RARB: variants seen among roughly 807,000 people sequenced by gnomAD.
RARB encodes HBV-activated protein.
RARB carries 17 observed loss-of-function variants against 51.9 expected under a neutral mutation model. The observed-to-expected ratio is 0.33, with a 90% CI of 0.22 to 0.49. RARB has a LOEUF of 0.49. Ranked by LOEUF, RARB falls within the 20% of genes least tolerant of loss-of-function variation. The pLI, the probability that RARB is intolerant of heterozygous loss-of-function variation, is 0.99. For missense variants in RARB, 369 were observed against 550.8 expected, an observed-to-expected ratio of 0.67 and a Z score of 3.30; for synonymous variants, 215 against 195.4, an observed-to-expected ratio of 1.10 and a Z score of -0.84.
chr3:25,528,832 C>T (rs1053398996), intron 3 of RARB, among the ~76,000 whole-genome samples: 5 of 115,032 alleles, frequency 4.3e-5, no homozygotes, highest in African/African-American at 1.3e-4. Context: ...ACTTTTAAAA[C>T]GCAGCCAAAC....
intron 5 of RARB, among the ~76,000 whole-genome samples, chr3:25,401,168 C>G (rs992655847): frequency 1.3e-5 from 2 of 152,084 alleles, no homozygotes; most frequent in South Asian, 2.1e-4. Flanking sequence ...CATTCAGGCT[C>G]CTCTTGGCAT....
chr3:24,991,988 T>C (rs1366572215), intron 2 of RARB, among the ~76,000 whole-genome samples: 1 of 152,056 alleles, frequency 6.6e-6, no homozygotes, highest in East Asian at 1.9e-4. Context: ...GCTTTCTATA[T>C]CATGCCACCC....
intron 5 of RARB, among the ~76,000 whole-genome samples, chr3:25,237,264 G>A (rs575658740): frequency 1.3e-5 from 2 of 152,100 alleles, no homozygotes; most frequent in South Asian, 4.1e-4. Flanking sequence ...AAAGTTGGTG[G>A]CATTTATTAG....
At chr3:25,452,245 C>T (rs1388926996) in intron 1 of RARB, among the ~76,000 whole-genome samples, 10 of 152,152 alleles carry the variant, frequency 6.6e-5, no homozygotes, top group Non-Finnish European at 1.2e-4. Context: ...GCAAAACAAC[C>T]TATGAGATAT....
intron 3 of RARB, among the ~76,000 whole-genome samples, chr3:25,505,045 C>T (rs1286642): frequency 0.23 from 34,351 of 152,036 alleles, 4,226 homozygotes; most frequent in East Asian, 0.35. Context: ...TCCCAGAGTG[C>T]TGGGATTACA....
At chr3:25,309,486 C>CTTTTTT (rs149976069) in intron 5 of RARB, among the ~76,000 whole-genome samples, 4 of 58,084 alleles carry the variant, frequency 6.9e-5, no homozygotes, top group East Asian at 5.4e-4. Flanking sequence ...CTCATAGTTG[C>CTTTTTT]TTTTTTTTTT....
intron 5 of RARB, among the ~76,000 whole-genome samples, chr3:25,242,049 T>G (rs548292339): frequency 4.6e-5 from 7 of 152,364 alleles, no homozygotes; most frequent in Non-Finnish European, 7.3e-5. Context: ...GATTTGCATT[T>G]CTCTAATGAC....
chr3:25,197,997 A>G (rs943659237), intron 5 of RARB, among the ~76,000 whole-genome samples: 2 of 152,010 alleles, frequency 1.3e-5, no homozygotes, highest in African/African-American at 4.8e-5. Flanking sequence ...CATAAAGAAC[A>G]AAACTGGAAG....
chr3:24,859,689 T>C (rs969501917), intron 2 of RARB, among the ~76,000 whole-genome samples: 1 of 152,228 alleles, frequency 6.6e-6, no homozygotes, highest in East Asian at 1.9e-4. Context: ...TTATATACTT[T>C]GGGGACTTGG....
intron 5 of RARB, among the ~76,000 whole-genome samples, chr3:25,251,192 G>A (rs1187571941): frequency 2.0e-5 from 3 of 151,898 alleles, no homozygotes; most frequent in Non-Finnish European, 2.9e-5. Flanking sequence ...CCATATTGTA[G>A]CATGCATTAC....
intron 2 of RARB, among the ~76,000 whole-genome samples, chr3:24,954,505 C>T (rs948969227): frequency 1.3e-5 from 2 of 152,160 alleles, no homozygotes; most frequent in Admixed American, 1.3e-4. Context: ...ATCCCCTTAT[C>T]TTACAGATTT....
chr3:25,176,293 T>TTTTCTTTCTTTCTTTCTTTCTTTC lies in RARB; in HGVS notation c.178+1739_178+1762dup, dbSNP rs758062670. On this transcript the variant is annotated intron_variant, in intron 5 of 11. Transcript: ENST00000383772. ...TGATTTATTTTTATTTATATTTATCTTTTCTTTCTTTCTTTCTTTCTTTCT... is the reference window on the plus strand; with the variant it reads ...TGATTTATTTTTATTTATATTTATCTTTTCTTTCTTTCTTTCTTTCTTTCTTTCTTTCTTTCTTTCTTTCTTTCT... Among the ~76,000 whole-genome samples the TTTTCTTTCTTTCTTTCTTTCTTTC allele has an allele frequency of 1.7e-4, 11 of 64,208 alleles. 2 individuals carry two copies. Among genetic ancestry groups the TTTTCTTTCTTTCTTTCTTTCTTTC allele is most frequent in the African/African-American group, 2.9e-4 (5 of 17,408 alleles). 42.1% of individuals were successfully genotyped at this position (64,208 alleles called of 152,430 possible). A position where few individuals can be genotyped will look rare whatever the true frequency, so the allele number is the denominator to read the frequency against.
At chr3:24,931,577 T>G (rs1695440861) in intron 2 of RARB, among the ~76,000 whole-genome samples, 1 of 152,074 alleles carries the variant, frequency 6.6e-6, no homozygotes, top group Admixed American at 6.6e-5. Context: ...TTATCTAATT[T>G]GTATATATAA....
chr3:25,363,325 A>G (rs1398638319), intron 5 of RARB, among the ~76,000 whole-genome samples: 2 of 152,116 alleles, frequency 1.3e-5, no homozygotes, highest in African/African-American at 4.8e-5. Context: ...ACCTCCAGGT[A>G]AACATTATCT....
chr3:25,220,972 G>A (rs1196014417), intron 5 of RARB, among the ~76,000 whole-genome samples: 2 of 151,748 alleles, frequency 1.3e-5, no homozygotes, highest in Non-Finnish European at 2.9e-5. Flanking sequence ...GATTATGTAT[G>A]ACATTTTTCT....
chr3:25,541,126 G>A (rs1053409700), intron 3 of RARB, among the ~76,000 whole-genome samples: 5 of 152,146 alleles, frequency 3.3e-5, no homozygotes, highest in African/African-American at 1.2e-4. Flanking sequence ...GCTTTCCCAG[G>A]ACAACCACAA....
intron 2 of RARB, among the ~76,000 whole-genome samples, chr3:25,025,646 T>C (rs1697731263): frequency 6.6e-6 from 1 of 151,996 alleles, no homozygotes; most frequent in Non-Finnish European, 1.5e-5. Flanking sequence ...ATCTGGAGAG[T>C]ATGTTCCATT....
At chr3:25,100,891 T>A (rs1699387252) in intron 3 of RARB, among the ~76,000 whole-genome samples, 1 of 152,204 alleles carries the variant, frequency 6.6e-6, no homozygotes, top group Non-Finnish European at 1.5e-5. Context: ...AGGTTGACAT[T>A]CAAGTCCATT....
chr3:25,447,900 GA>G (rs751196038), intron 1 of RARB, among the ~76,000 whole-genome samples: 50 of 152,110 alleles, frequency 3.3e-4, no homozygotes, highest in Non-Finnish European at 6.6e-4. Context: ...GATGGGGAAA[GA>G]AGGGAAGGTG....
Sources: gnomAD v4.1 joint callset for allele counts (sites outside exome capture counted in the v4.1 genomes callset) on GRCh38, gnomAD v4.1.1 for gene constraint, MANE v1.5 for transcripts, NCBI Gene and HGNC (gene_info 2026-07-23, HGNC 2026-07-21) for gene names.